Variants in COLEC10 observed in about 807,000 individuals in gnomAD.
The protein encoded by COLEC10 is collectin-10.
In COLEC10, 22 loss-of-function variants were observed where a neutral mutation model predicts 28.4. The ratio of observed to expected loss-of-function variants is 0.78; its 90% CI spans 0.55 to 1.11. COLEC10 has a LOEUF of 1.11. Among genes scored for constraint, COLEC10 ranks in the 50% least tolerant of loss-of-function variants. The probability of loss-of-function intolerance (pLI) is 0.00; values close to 1 mark genes in which losing one functional copy is unlikely to be tolerated. For missense variants in COLEC10, 361 were observed against 344.1 expected (o/e 1.05, Z -0.39); for synonymous variants, 125 against 116.1 (o/e 1.08, Z -0.49).
chr8:119,054,960 T>TA (rs1430990757), intron 2 of COLEC10, among the ~76,000 whole-genome samples: 1 of 152,042 alleles, frequency 6.6e-6, no homozygotes, highest in African/African-American at 2.4e-5. Context: ...TTTATGAAAA[T>TA]ACATTTTGAG....
intron 2 of COLEC10, among the ~76,000 whole-genome samples, chr8:119,036,448 T>C (rs1420254577): frequency 6.6e-6 from 1 of 152,322 alleles, no homozygotes; most frequent in African/African-American, 2.4e-5. Context: ...AGAAACAGTG[T>C]AAATTATTGT....
rs571817894 is a variant in COLEC10 at position 119,027,508 on chromosome 8, A to T, written n.235+17955A>T. Among the ~76,000 whole-genome samples the T allele has an allele frequency of 1.4e-3, 212 of 152,276 alleles. 1 individual carries two copies. Among genetic ancestry groups the T allele is most frequent in the Non-Finnish European group, 2.4e-3 (161 of 68,020 alleles). On this transcript the variant is annotated intron_variant and non_coding_transcript_variant, in intron 2 of 6. Coordinates refer to the COLEC10 transcript ENST00000521788. ...CTTTTATGCAAATTCAAATCCAGTCATCAGTTTCCTCCTTAAAATTCCACA... is the reference window on the plus strand; with the variant it reads ...CTTTTATGCAAATTCAAATCCAGTCTTCAGTTTCCTCCTTAAAATTCCACA...
chr8:118,955,927 G>A, the COLEC10 span, among the ~76,000 whole-genome samples: 10 of 152,192 alleles, frequency 6.6e-5, no homozygotes, highest in Admixed American at 2.0e-4. Context: ...TTTTAAGCAT[G>A]GGAGTGTGTC....
chr8:119,064,799 AT>A (rs879273122), upstream of COLEC10, among the ~76,000 whole-genome samples: 209 of 146,152 alleles, frequency 1.4e-3, no homozygotes, highest in Middle Eastern at 0.011. Flanking sequence ...TTTGTATTTG[AT>A]TTTTTTTTTT....
intron 1 of COLEC10, among the ~76,000 whole-genome samples, chr8:119,069,946 G>T (rs1815069809): frequency 2.0e-5 from 3 of 151,970 alleles, no homozygotes; most frequent in Admixed American, 2.0e-4. Flanking sequence ...GGGAAACAGT[G>T]AAATGAATTT....
intron 2 of COLEC10, among the ~76,000 whole-genome samples, chr8:119,053,693 G>GA (rs1272171309): frequency 1.3e-5 from 2 of 150,298 alleles, no homozygotes; most frequent in African/African-American, 2.5e-5. Context: ...AGGTGGGGGG[G>GA]GCTTATTTCT....
intron 2 of COLEC10, among the ~76,000 whole-genome samples, chr8:119,090,416 C>T (rs1815566400): frequency 6.6e-6 from 1 of 152,294 alleles, no homozygotes; most frequent in African/African-American, 2.4e-5. Flanking sequence ...CCAACTGCTA[C>T]AAGAGGGCTG....
At chr8:118,973,017 G>A in the COLEC10 span, among the ~76,000 whole-genome samples, 1 of 151,862 alleles carries the variant, frequency 6.6e-6, no homozygotes, top group South Asian at 2.1e-4. Context: ...CAGCATGGGG[G>A]TAACGACCCC....
At chr8:119,040,598 A>G (rs1021951279) in intron 2 of COLEC10, among the ~76,000 whole-genome samples, 1 of 152,236 alleles carries the variant, frequency 6.6e-6, no homozygotes, top group South Asian at 2.1e-4. Context: ...GTTGAAATCC[A>G]TAATGAAACT....
the COLEC10 span, among the ~76,000 whole-genome samples, chr8:118,960,076 T>G: frequency 1.3e-5 from 2 of 151,956 alleles, no homozygotes; most frequent in Admixed American, 1.3e-4. Context: ...GAGGCAGATA[T>G]GAGAAGGGAA....
At position 119,106,499 on chromosome 8, in the gene COLEC10, A is replaced by G. The variant is rs1314250146; in HGVS notation, c.*308A>G. 2 of 269,138 alleles carry G rather than the reference A, an allele frequency of 7.4e-6. No homozygotes were observed. The highest frequency in any genetic ancestry group is 1.5e-5 in the Non-Finnish European group (2 of 137,344). The allele number at this position is 269,138 out of a possible 1,614,324, so 16.7% of individuals were successfully genotyped here. A position where few individuals can be genotyped will look rare whatever the true frequency, so the allele number is the denominator to read the frequency against. ...GAGTTGTTCTCTTGGTATTTGCTCT[A>G]CCATCTCTCCCTAGAGCACTCTGTG... is the stretch of plus-strand genomic sequence containing the variant. On this transcript the variant is annotated 3_prime_UTR_variant, in exon 6 of 6. Coordinates refer to ENST00000332843, the MANE Select transcript of COLEC10 (RefSeq NM_006438.5).
chr8:119,102,459 C>G, intron 4 of COLEC10, 58 bp downstream of exon 4: 1 of 1,337,836 alleles, frequency 7.5e-7, no homozygotes, highest in Non-Finnish European at 1.1e-6. Flanking sequence ...TTATTCATCT[C>G]AAAAATAAAT....
At chr8:119,097,792 A>T (rs1042962501) in intron 3 of COLEC10, among the ~76,000 whole-genome samples, 3 of 152,036 alleles carry the variant, frequency 2.0e-5, no homozygotes, top group African/African-American at 7.2e-5. Context: ...TATTGCTCGT[A>T]TTGCTCTGCA....
intron 2 of COLEC10, among the ~76,000 whole-genome samples, chr8:119,029,167 T>G (rs752740325): frequency 3.3e-5 from 5 of 152,194 alleles, no homozygotes; most frequent in African/African-American, 4.8e-5. Context: ...TAACCTGTAT[T>G]AAGCCTTTAG....
intron 2 of COLEC10, among the ~76,000 whole-genome samples, chr8:119,025,550 AC>A: frequency 6.6e-6 from 1 of 152,248 alleles, no homozygotes; most frequent in African/African-American, 2.4e-5. Context: ...TTTAAGAAAA[AC>A]CTTGGTCTTC....
chr8:119,048,938 A>T (rs1421218906), intron 2 of COLEC10, among the ~76,000 whole-genome samples: 1 of 152,064 alleles, frequency 6.6e-6, no homozygotes, highest in East Asian at 1.9e-4. Context: ...CTTGTGGGCT[A>T]TGGGTTTAAG....
chr8:118,994,360 C>A (rs1471099022), upstream of COLEC10, among the ~76,000 whole-genome samples: 2 of 152,128 alleles, frequency 1.3e-5, no homozygotes, highest in African/African-American at 4.8e-5. Flanking sequence ...CACTGTGGAA[C>A]CTGAAAGAGC....
chr8:119,100,371 T>A (rs1463208244), intron 3 of COLEC10, among the ~76,000 whole-genome samples: 1 of 152,160 alleles, frequency 6.6e-6, no homozygotes, highest in Non-Finnish European at 1.5e-5. Flanking sequence ...GTGTAAGGTA[T>A]CCCGAATAGT....
intron 2 of COLEC10, among the ~76,000 whole-genome samples, chr8:119,014,550 T>G (rs1813955237): frequency 6.6e-6 from 1 of 150,784 alleles, no homozygotes; most frequent in Admixed American, 6.6e-5. Flanking sequence ...AGTTTTTGTT[T>G]GTCTGCTTGA....
Sources: gnomAD v4.1 joint callset for allele counts (sites outside exome capture counted in the v4.1 genomes callset) on GRCh38, gnomAD v4.1.1 for gene constraint, MANE v1.5 for transcripts, NCBI Gene and HGNC (gene_info 2026-07-23, HGNC 2026-07-21) for gene names.